Variants in SIMC1 observed in about 807,000 individuals in gnomAD.
The protein encoded by SIMC1 is SUMO interacting motifs containing 1.
A neutral mutation model predicts 82.3 loss-of-function variants in SIMC1; 55 were observed. The observed-to-expected ratio is 0.67, with a 90% CI of 0.54 to 0.84. The LOEUF is 0.84. SIMC1 is among the 40% of genes least tolerant of loss of function. SIMC1 has a pLI of 0.00. For synonymous variants in SIMC1, 353 were observed against 426.3 expected (o/e 0.83, Z 2.12); for missense variants, 915 against 1,107.2 (o/e 0.83, Z 2.46).
rs772826339 is a variant in SIMC1 at position 176,295,134 on chromosome 5, C to G, written c.1536C>G (p.Asp512Glu). 6.2e-7 allele frequency: 1 copy of G among 1,613,548 alleles called. No homozygotes were observed. Among genetic ancestry groups the G allele is most frequent in the Non-Finnish European group, 8.5e-7 (1 of 1,179,660 alleles). The change falls in exon 3 of 10, where the codon GAC becomes GAG. Residue 512 changes from aspartate (D) to glutamate (E), a missense_variant. By Grantham distance (45) the Asp-to-Glu change is conservative (BLOSUM62 2). Around this residue, in one of 2 missense-constraint regions of SIMC1, gnomAD observed 902 missense variants for 1,040.3 expected, o/e 0.87. Coordinates refer to ENST00000429602, the MANE Select transcript of SIMC1 (RefSeq NM_001308195.2). The stretch of plus-strand genomic sequence containing the variant: ...TGGGGACTGTGCAGTTTTTGATGGA[C>G]TTTGTGTCACCCCAGCATTACCCAC... ...FPLGTVQFLM[D>E]FVSPQHYPPR... is the part of the protein sequence containing the mutation.
In SIMC1 at chr5:176,344,468, T is replaced by TACAC. The variant is rs57991528; in HGVS notation, c.2414-680_2414-677dup. ...TGCGGATCACTTGAGGTCAGGAGTA[T>TACAC]ACACACACACACACACACACACACA... On this transcript the variant is annotated intron_variant, in intron 9 of 9. Transcript: ENST00000429602. 4.0e-3 allele frequency among the ~76,000 whole-genome samples: 589 copies of TACAC among 146,634 alleles called. 3 individuals carry two copies. The highest frequency in any genetic ancestry group is 0.011 in the African/African-American group (447 of 40,072).
chr5:176,249,223 G>C (rs1413612713), intron 1 of SIMC1, among the ~76,000 whole-genome samples: 1 of 151,950 alleles, frequency 6.6e-6, no homozygotes, highest in African/African-American at 2.4e-5. Flanking sequence ...CTGTGAATCC[G>C]TCTGGTCCTG....
chr5:176,282,840 G>T (rs1763076108), intron 1 of SIMC1, among the ~76,000 whole-genome samples: 1 of 152,192 alleles, frequency 6.6e-6, no homozygotes, highest in Non-Finnish European at 1.5e-5. Flanking sequence ...TGACCTGATG[G>T]AGCTGAAAAC....
intron 1 of SIMC1, among the ~76,000 whole-genome samples, chr5:176,262,183 C>T (rs992389004): frequency 3.3e-5 from 5 of 150,626 alleles, no homozygotes; most frequent in Non-Finnish European, 7.4e-5. Context: ...CAATTAAATC[C>T]ATTAATGCAA....
At chr5:176,282,384 G>A (rs1395438849) in intron 1 of SIMC1, among the ~76,000 whole-genome samples, 5 of 152,196 alleles carry the variant, frequency 3.3e-5, no homozygotes, top group East Asian at 3.9e-4. Context: ...TTGCGCTTCC[G>A]GAGTGAGGCA....
chr5:176,331,924 G>T (rs1765687634), intron 7 of SIMC1, among the ~76,000 whole-genome samples: 3 of 151,790 alleles, frequency 2.0e-5, no homozygotes. Flanking sequence ...AGCCAAGATT[G>T]TGCCACTGCA....
At chr5:176,305,884 C>T (rs1188259904) in intron 4 of SIMC1, among the ~76,000 whole-genome samples, 5 of 85,820 alleles carry the variant, frequency 5.8e-5, no homozygotes, top group African/African-American at 9.7e-5. Context: ...CCCGGCCAGC[C>T]GCCCCGTCCG....
At chr5:176,333,914 TC>T (rs1561732362) in intron 7 of SIMC1, among the ~76,000 whole-genome samples, 2 of 152,152 alleles carry the variant, frequency 1.3e-5, no homozygotes, top group East Asian at 3.9e-4. Flanking sequence ...TTTTTTTAAT[TC>T]CCCCAGTGCC....
At chr5:176,304,989 G>A (rs1275295574) in intron 4 of SIMC1, among the ~76,000 whole-genome samples, 2 of 128,118 alleles carry the variant, frequency 1.6e-5, no homozygotes, top group Non-Finnish European at 3.4e-5. Context: ...CCTCCGCCCG[G>A]CAGCTGCCCC....
chr5:176,318,418 T>C (rs1160839932), intron 5 of SIMC1, among the ~76,000 whole-genome samples: 1 of 152,228 alleles, frequency 6.6e-6, no homozygotes, highest in African/African-American at 2.4e-5. Flanking sequence ...AGATATTTAT[T>C]CACACTGGAT....
At chr5:176,297,666 A>C (rs914687614) in intron 4 of SIMC1, among the ~76,000 whole-genome samples, 1 of 152,152 alleles carries the variant, frequency 6.6e-6, no homozygotes, top group African/African-American at 2.4e-5. Context: ...TGCTCACCTA[A>C]AGCAATTGGC....
At chr5:176,331,889 A>G (rs1765685923) in intron 7 of SIMC1, among the ~76,000 whole-genome samples, 1 of 151,994 alleles carries the variant, frequency 6.6e-6, no homozygotes, top group Non-Finnish European at 1.5e-5. Flanking sequence ...GAATCGCTTG[A>G]ACCCAGGAGG....
At chr5:176,306,131 C>T (rs1764365307) in intron 4 of SIMC1, among the ~76,000 whole-genome samples, 1 of 77,092 alleles carries the variant, frequency 1.3e-5, no homozygotes, top group Non-Finnish European at 2.9e-5. Flanking sequence ...AGCCCCTCTG[C>T]CCGGCCAGCC....
At chr5:176,263,790 C>T (rs1240131542) in intron 1 of SIMC1, among the ~76,000 whole-genome samples, 2 of 152,172 alleles carry the variant, frequency 1.3e-5, no homozygotes. Context: ...TTCCAAAAGT[C>T]TTAACTCATT....
intron 7 of SIMC1, among the ~76,000 whole-genome samples, chr5:176,333,267 G>C (rs1431589548): frequency 2.6e-5 from 4 of 151,950 alleles, no homozygotes; most frequent in African/African-American, 9.7e-5. Flanking sequence ...TTGCACCACT[G>C]CACTCCAGCC....
At chr5:176,310,943 A>C (rs985358394) in intron 4 of SIMC1, among the ~76,000 whole-genome samples, 4 of 152,122 alleles carry the variant, frequency 2.6e-5, no homozygotes, top group African/African-American at 9.6e-5. Context: ...GCAGACGTTA[A>C]AAAAAATAAG....
rs199599200 is a variant in SIMC1, at chr5:176,292,113, TA to T, written c.1431+1159del. On this transcript the variant is annotated intron_variant, in intron 2 of 9. Transcript: ENST00000429602. Reference sequence around the variant, plus strand: ...TATGCTTTTCCCTTCCTGGTGCCCTTATTACAGCTTCTATATCACAGAGATA... The same window carrying T: ...TATGCTTTTCCCTTCCTGGTGCCCTTTTACAGCTTCTATATCACAGAGATA... Among the ~76,000 whole-genome samples, 928 of 152,328 alleles carry T rather than the reference TA, an allele frequency of 6.1e-3. 14 individuals are homozygous for T. The highest frequency in any genetic ancestry group is 0.021 in the African/African-American group (878 of 41,564).
intron 4 of SIMC1, among the ~76,000 whole-genome samples, chr5:176,297,936 CAGTT>C (rs1410853162): frequency 2.6e-5 from 4 of 152,106 alleles, no homozygotes; most frequent in Admixed American, 1.3e-4. Flanking sequence ...ACCTAGGAAG[CAGTT>C]AGTCCAGATA....
Position 176,290,113 on chromosome 5 carries a change from A to G in SIMC1, c.589A>G (p.Ser197Gly). The change falls in exon 2 of 10, where the codon AGC becomes GGC. Residue 197 changes from serine to glycine, a missense_variant. Physicochemically the swap from Ser to Gly is moderately conservative, Grantham distance 56. Coordinates refer to ENST00000429602, the MANE Select transcript of SIMC1 (RefSeq NM_001308195.2). ...PTSNNSRSSS[S>G]SSNQKAPLPC... is the part of the protein sequence containing the mutation. ...AAGCAATAATAGTAGGAGCAGCAGC[A>G]GCAGCAGCAATCAAAAAGCACCCTT... The G allele has an allele frequency of 1.9e-6, 3 of 1,604,730 alleles. No homozygotes were observed. Among genetic ancestry groups the G allele is most frequent in the Non-Finnish European group, 2.6e-6 (3 of 1,175,458 alleles).
Sources: gnomAD v4.1 joint callset for allele counts (sites outside exome capture counted in the v4.1 genomes callset) on GRCh38, gnomAD v4.1.1 for gene constraint, gnomAD v4.1.1 regional missense constraint, MANE v1.5 for transcripts, NCBI Gene and HGNC (gene_info 2026-07-23, HGNC 2026-07-21) for gene names.